Variants in ANO1 observed in about 807,000 individuals in gnomAD.
ANO1 encodes the protein anoctamin-1.
ANO1 carries 59 observed loss-of-function variants against 124.0 expected under a neutral mutation model. The observed-to-expected ratio is 0.48, with a 90% CI of 0.39 to 0.59. The LOEUF (loss-of-function observed/expected upper bound fraction) is 0.59, where lower values mean the gene tolerates loss of function less well. ANO1 is among the 20% of genes least tolerant of loss of function. The pLI is 0.00. For synonymous variants in ANO1, 529 were observed against 532.0 expected, an observed-to-expected ratio of 0.99 and a Z score of 0.08; for missense variants, 1,059 against 1,328.0, an observed-to-expected ratio of 0.80 and a Z score of 3.15.
At chr11:70,021,893 A>T (rs1260521089) in intron 1 of ANO1, among the ~76,000 whole-genome samples, 1 of 152,174 alleles carries the variant, frequency 6.6e-6, no homozygotes, top group Non-Finnish European at 1.5e-5. Context: ...AGAGTATTTT[A>T]AAACTGAGCT....
At chr11:70,023,895 A>G (rs1017467113) in intron 1 of ANO1, among the ~76,000 whole-genome samples, 1 of 152,228 alleles carries the variant, frequency 6.6e-6, no homozygotes. Flanking sequence ...AGGGATTTCA[A>G]GTTTACCAAA....
chr11:70,037,513 T>C (rs1207256728), intron 1 of ANO1, among the ~76,000 whole-genome samples: 4 of 151,596 alleles, frequency 2.6e-5, no homozygotes, highest in Admixed American at 2.0e-4. Context: ...AGCATGAAGG[T>C]GGGTCACAGA....
chr11:70,054,940 T>C (rs1857410678), intron 1 of ANO1, among the ~76,000 whole-genome samples: 2 of 152,240 alleles, frequency 1.3e-5, no homozygotes, highest in South Asian at 4.1e-4. Flanking sequence ...CATAATACGA[T>C]ATGGGATATC....
chr11:70,153,152 C>T (rs1189421319), intron 14 of ANO1, 24 bp downstream of exon 14: 1 of 1,561,130 alleles, frequency 6.4e-7, no homozygotes, highest in Non-Finnish European at 8.7e-7. Flanking sequence ...TGTGGGTTAA[C>T]TTTCCCAGCA....
At chr11:70,052,948 A>G (rs146306817) in intron 1 of ANO1, among the ~76,000 whole-genome samples, 39 of 152,146 alleles carry the variant, frequency 2.6e-4, no homozygotes, top group Admixed American at 2.1e-3. Flanking sequence ...CTCTCTTAGT[A>G]ATGTTTGGTG....
intron 1 of ANO1, among the ~76,000 whole-genome samples, chr11:70,021,370 G>A (rs575196032): frequency 1.3e-5 from 2 of 152,240 alleles, no homozygotes; most frequent in East Asian, 1.9e-4. Flanking sequence ...GTTGCAGGGG[G>A]CTGTCGTGAC....
chr11:70,089,017 T>C (rs556540142), intron 2 of ANO1, among the ~76,000 whole-genome samples: 52 of 152,188 alleles, frequency 3.4e-4, no homozygotes, highest in Non-Finnish European at 7.2e-4. Context: ...GCAGAGAGAA[T>C]GACTTTAGCA....
At position 70,087,862 on chromosome 11, in the gene ANO1, C is replaced by A. The variant is rs2135228271; in HGVS notation, c.219C>A (p.Pro73=). 6.2e-7 allele frequency: 1 copy of A among 1,612,790 alleles called. No homozygotes were observed. The highest frequency in any genetic ancestry group is 8.5e-7 in the Non-Finnish European group (1 of 1,179,680). ...DYILVYHHKR[P]SGNRTLVRRV... Reference sequence around the variant, plus strand: ...TCCTGGTGTACCATCACAAGAGGCCCTCGGGCAACCGGACCCTGGTCAGGA... The same window carrying A: ...TCCTGGTGTACCATCACAAGAGGCCATCGGGCAACCGGACCCTGGTCAGGA... The change falls in exon 2 of 26, where the codon CCC becomes CCA. Residue 73 remains proline, a synonymous_variant. Coordinates refer to ENST00000355303, the MANE Select transcript of ANO1 (RefSeq NM_018043.7).
At chr11:70,143,253 G>A (rs1052412190) in intron 11 of ANO1, among the ~76,000 whole-genome samples, 2 of 152,166 alleles carry the variant, frequency 1.3e-5, no homozygotes, top group African/African-American at 4.8e-5. Context: ...GTTGCAGCTC[G>A]CTCAGGGGAA....
At chr11:69,981,636 C>T (rs1303456177), upstream of ANO1, among the ~76,000 whole-genome samples, 17 of 152,186 alleles carry the variant, frequency 1.1e-4, no homozygotes, top group Non-Finnish European at 2.1e-4. Context: ...GCAGCTGCCT[C>T]GGAGGCTGGG....
chr11:70,135,520 T>A (rs2046923253), intron 11 of ANO1, among the ~76,000 whole-genome samples: 1 of 152,188 alleles, frequency 6.6e-6, no homozygotes, highest in African/African-American at 2.4e-5. Context: ...CACCTTAGGA[T>A]CTGGGAGGGC....
chr11:70,102,975 C>T (rs1450870862), intron 2 of ANO1, 91 bp from the exon 3 acceptor site: 4 of 873,956 alleles, frequency 4.6e-6, no homozygotes, highest in South Asian at 3.3e-5. Context: ...AGTAGCTGCT[C>T]GATAAATTGT....
intron 1 of ANO1, among the ~76,000 whole-genome samples, chr11:70,054,869 C>T (rs1197325551): frequency 6.6e-6 from 1 of 152,156 alleles, no homozygotes; most frequent in Non-Finnish European, 1.5e-5. Flanking sequence ...TTTTTAGGCT[C>T]AAATGCATTT....
At chr11:70,060,569 G>C (rs577078535) in intron 1 of ANO1, among the ~76,000 whole-genome samples, 1 of 152,334 alleles carries the variant, frequency 6.6e-6, no homozygotes, top group Admixed American at 6.5e-5. Context: ...AGTGAATAGA[G>C]CTGGAGGAGT....
At chr11:70,128,189 T>C (rs1200828486) in intron 10 of ANO1, among the ~76,000 whole-genome samples, 1 of 121,002 alleles carries the variant, frequency 8.3e-6, no homozygotes, top group Non-Finnish European at 1.6e-5. Context: ...ATCAAAGCTC[T>C]GAGGAATCTG....
chr11:70,045,785 A>G (rs1049689951), intron 1 of ANO1, among the ~76,000 whole-genome samples: 2 of 152,226 alleles, frequency 1.3e-5, no homozygotes, highest in Non-Finnish European at 2.9e-5. Flanking sequence ...CTTCAGACCA[A>G]AAGGAGGACT....
At chr11:70,069,099 G>A (rs1857803855) in intron 1 of ANO1, among the ~76,000 whole-genome samples, 1 of 152,230 alleles carries the variant, frequency 6.6e-6, no homozygotes, top group South Asian at 2.1e-4. Context: ...CACTCACAGA[G>A]GGCCCGGGGC....
intron 1 of ANO1, among the ~76,000 whole-genome samples, chr11:70,008,788 T>A (rs544229542): frequency 7.2e-5 from 11 of 151,978 alleles, no homozygotes; most frequent in Non-Finnish European, 1.0e-4. Context: ...TTACAAAGAG[T>A]GATTGTGCCA....
intron 1 of ANO1, among the ~76,000 whole-genome samples, chr11:70,014,450 G>A (rs781811276): frequency 1.6e-4 from 24 of 152,088 alleles, no homozygotes; most frequent in East Asian, 3.9e-4. Flanking sequence ...CTCTGCTCCC[G>A]AGATTCCTCC....
Sources: allele counts gnomAD v4.1 joint callset (sites outside exome capture counted in the v4.1 genomes callset), GRCh38; gene constraint gnomAD v4.1.1; transcripts MANE v1.5; gene names NCBI Gene and HGNC (gene_info 2026-07-23, HGNC 2026-07-21).